DNAJB12: variants seen among roughly 807,000 people sequenced by gnomAD.
DNAJB12 encodes the protein dnaJ homolog subfamily B member 12.
In DNAJB12, 14 loss-of-function variants were observed where a neutral mutation model predicts 40.6. The ratio of observed to expected loss-of-function variants is 0.34; its 90% CI spans 0.23 to 0.54. DNAJB12 has a LOEUF of 0.54. DNAJB12 is among the 20% of genes least tolerant of loss of function. The pLI is 0.92. For missense variants in DNAJB12, 444 were observed against 501.7 expected (o/e 0.89, Z 1.10); for synonymous variants, 181 against 199.5 (o/e 0.91, Z 0.78).
intron 2 of DNAJB12, among the ~76,000 whole-genome samples, chr10:72,344,627 T>C (rs1490033947): frequency 6.6e-6 from 1 of 152,200 alleles, no homozygotes; most frequent in Admixed American, 6.5e-5. Flanking sequence ...GCTCCATCTC[T>C]ATTGACAAAC....
At chr10:72,340,258 G>C (rs965392530) in intron 5 of DNAJB12, among the ~76,000 whole-genome samples, 1 of 151,916 alleles carries the variant, frequency 6.6e-6, no homozygotes, top group Non-Finnish European at 1.5e-5. Flanking sequence ...GCAGGAGAAT[G>C]GCTTGAACCC....
intron 1 of DNAJB12, among the ~76,000 whole-genome samples, chr10:72,352,677 AAT>A (rs551148397): frequency 7.2e-5 from 11 of 152,242 alleles, no homozygotes; most frequent in Admixed American, 2.6e-4. Context: ...TCTGTCTTGT[AAT>A]ATTTGTTTCT....
At chr10:72,351,531 G>A (rs1427312672) in intron 1 of DNAJB12, among the ~76,000 whole-genome samples, 3 of 152,160 alleles carry the variant, frequency 2.0e-5, no homozygotes, top group Non-Finnish European at 4.4e-5. Context: ...CTTTTCCCAT[G>A]CAGTGCCTGC....
rs201786974 is a variant in DNAJB12 at position 72,336,651 on chromosome 10, G to C, written c.879C>G (p.Val293=). ...AGAAAGTGTCTCCCACATAGTAGAC[G>C]ACACCCAGGTGGTCAGTGACTCGCC... is the stretch of plus-strand genomic sequence containing the variant. ...IHRRVTDHLG[V]VYYVGDTFSE... Residue 293 remains valine (V), a synonymous_variant, in exon 7 of 9, where the codon GTC becomes GTG. Coordinates refer to ENST00000444643, the MANE Select transcript of DNAJB12 (RefSeq NM_017626.7). 10 of 1,613,986 alleles carry C rather than the reference G, an allele frequency of 6.2e-6. No individual in the cohort carries two copies. Among genetic ancestry groups the C allele is most frequent in the Non-Finnish European group, 7.6e-6 (9 of 1,179,996 alleles).
intron 1 of DNAJB12, among the ~76,000 whole-genome samples, chr10:72,345,993 T>C (rs1285519804): frequency 1.3e-5 from 2 of 152,010 alleles, no homozygotes; most frequent in Non-Finnish European, 2.9e-5. Flanking sequence ...AAATTCTACA[T>C]AATTCATGGA....
intron 5 of DNAJB12, among the ~76,000 whole-genome samples, chr10:72,340,244 T>A (rs2131985703): frequency 6.6e-6 from 1 of 151,972 alleles, no homozygotes; most frequent in East Asian, 2.0e-4. Context: ...CTCGGGAGGC[T>A]GAGGCAGGAG....
At chr10:72,346,096 T>A (rs1021842952) in intron 1 of DNAJB12, among the ~76,000 whole-genome samples, 1 of 152,206 alleles carries the variant, frequency 6.6e-6, no homozygotes, top group African/African-American at 2.4e-5. Flanking sequence ...GATATTCTGA[T>A]AGTCTTCCAA....
chr10:72,336,420 G>T, intron 7 of DNAJB12, 104 bp downstream of exon 7: 1 of 1,263,074 alleles, frequency 7.9e-7, no homozygotes, highest in Non-Finnish European at 1.1e-6. Flanking sequence ...CCAGGGGCTG[G>T]GCCCTCAGAG....
At chr10:72,343,582 G>A (rs1259461215) in intron 2 of DNAJB12, 71 bp from the exon 3 acceptor site, 12 of 1,543,862 alleles carry the variant, frequency 7.8e-6, no homozygotes, top group East Asian at 2.3e-5. Flanking sequence ...TGAACAGGCC[G>A]TGTGGGGCGC....
chr10:72,333,207 T>C lies in DNAJB12; in HGVS notation c.*1441A>G, dbSNP rs531541407. The stretch of plus-strand genomic sequence containing the variant: ...CTCTGGGAGGGTGGTTATCACCTCC[T>C]GGCTGGCAGCTTGGGGAAGTAAGGC... On this transcript the variant is annotated 3_prime_UTR_variant, in exon 9 of 9. Coordinates refer to ENST00000444643, the MANE Select transcript of DNAJB12 (RefSeq NM_017626.7). The C allele has an allele frequency of 6.6e-6, 1 of 152,334 alleles. No individual in the cohort carries two copies. The highest frequency in any genetic ancestry group is 2.4e-5 in the African/African-American group (1 of 41,582). 9.4% of individuals were successfully genotyped at this position (152,334 alleles called of 1,614,324 possible). A position where few individuals can be genotyped will look rare whatever the true frequency, so the allele number is the denominator to read the frequency against.
At chr10:72,338,457 C>T (rs572639593) in intron 5 of DNAJB12, 146 bp from the exon 6 acceptor site, 11 of 577,756 alleles carry the variant, frequency 1.9e-5, no homozygotes, top group South Asian at 6.9e-5. Flanking sequence ...AAAACACAGA[C>T]GCTCCTTCAC....
chr10:72,344,896 A>T, intron 2 of DNAJB12, 54 bp downstream of exon 2: 1 of 1,599,924 alleles, frequency 6.3e-7, no homozygotes. Context: ...TGCTCCAGGA[A>T]GCCTCTAGAT....
At chr10:72,336,006 G>A (rs1185183692) in intron 7 of DNAJB12, 75 bp from the exon 8 acceptor site, 3 of 1,572,532 alleles carry the variant, frequency 1.9e-6, no homozygotes, top group African/African-American at 2.7e-5. Context: ...CGAGGGCTGT[G>A]GAGGGCGGAG....
At chr10:72,344,800 T>C (rs948320592) in intron 2 of DNAJB12, 150 bp downstream of exon 2, 1 of 871,822 alleles carries the variant, frequency 1.1e-6, no homozygotes, top group Non-Finnish European at 1.8e-6. Context: ...GAGGTCCTGG[T>C]GAGCCTGGAC....
intron 5 of DNAJB12, among the ~76,000 whole-genome samples, chr10:72,340,568 G>A (rs1363461520): frequency 6.6e-6 from 1 of 152,202 alleles, no homozygotes; most frequent in East Asian, 1.9e-4. Context: ...GCAAAGCCGC[G>A]CTCCCGCCGG....
chr10:72,349,570 A>T (rs1378988348), intron 1 of DNAJB12, among the ~76,000 whole-genome samples: 1 of 152,194 alleles, frequency 6.6e-6, no homozygotes, highest in East Asian at 1.9e-4. Flanking sequence ...GAAGCTCTTT[A>T]TTATTTCAGT....
intron 3 of DNAJB12, among the ~76,000 whole-genome samples, chr10:72,342,876 T>C (rs1030348162): frequency 2.6e-5 from 4 of 152,214 alleles, no homozygotes; most frequent in Non-Finnish European, 5.9e-5. Context: ...GAGACTGCCA[T>C]GTCCCCACTG....
At chr10:72,346,282 GCCT>G (rs1861784907) in intron 1 of DNAJB12, among the ~76,000 whole-genome samples, 1 of 151,178 alleles carries the variant, frequency 6.6e-6, no homozygotes, top group Non-Finnish European at 1.5e-5. Flanking sequence ...TCATGCCTCA[GCCT>G]CCTGAGTAGC....
At chr10:72,339,717 C>CT (rs543639307) in intron 5 of DNAJB12, among the ~76,000 whole-genome samples, 8,143 of 143,918 alleles carry the variant, frequency 0.057, 389 homozygotes, top group African/African-American at 0.13. Context: ...AATTTTTATA[C>CT]TTTTTTTTTT....
Sources: allele counts gnomAD v4.1 joint callset (sites outside exome capture counted in the v4.1 genomes callset), GRCh38; gene constraint gnomAD v4.1.1; transcripts MANE v1.5; gene names NCBI Gene and HGNC (gene_info 2026-07-23, HGNC 2026-07-21).